Variants in THSD7A observed in about 807,000 individuals in gnomAD.
THSD7A encodes the protein thrombospondin type-1 domain-containing protein 7A.
THSD7A carries 96 observed loss-of-function variants against 231.3 expected under a neutral mutation model. The ratio of observed to expected loss-of-function variants is 0.41; its 90% CI spans 0.35 to 0.49. The LOEUF is 0.49. Ranked by LOEUF, THSD7A falls within the 20% of genes least tolerant of loss-of-function variation. The pLI is 0.05. For missense variants in THSD7A, 2,290 were observed against 2,070.2 expected (o/e 1.11, Z -2.06); for synonymous variants, 940 against 743.3 (o/e 1.26, Z -4.30).
chr7:11,379,035 AG>A, intron 26 of THSD7A, 34 bp downstream of exon 26: 5 of 1,604,050 alleles, frequency 3.1e-6, no homozygotes, highest in Non-Finnish European at 3.4e-6. Flanking sequence ...AAAGAACTAA[AG>A]GTTTCTCTTT....
chr7:11,698,113 C>T (rs4719282), intron 1 of THSD7A, among the ~76,000 whole-genome samples: 119,125 of 151,334 alleles, frequency 0.79, 47,548 homozygotes, highest in African/African-American at 0.93. Flanking sequence ...AATTTCATTA[C>T]TTCCAAAATG....
intron 11 of THSD7A, among the ~76,000 whole-genome samples, chr7:11,455,298 T>G (rs918657458): frequency 1.3e-5 from 2 of 152,080 alleles, no homozygotes; most frequent in Non-Finnish European, 1.5e-5. Context: ...TATAGTGTTT[T>G]GTTATAGAAG....
intron 6 of THSD7A, among the ~76,000 whole-genome samples, chr7:11,489,404 C>A (rs543523452): frequency 1.3e-5 from 2 of 152,058 alleles, no homozygotes; most frequent in Admixed American, 6.6e-5. Context: ...AGGAAACTTG[C>A]AATTGTAATT....
At chr7:11,568,997 AC>A (rs1428227676) in intron 4 of THSD7A, among the ~76,000 whole-genome samples, 1 of 151,348 alleles carries the variant, frequency 6.6e-6, no homozygotes, top group East Asian at 1.9e-4. Context: ...AAAAAAAAAA[AC>A]AAACCCTACA....
rs186625336 is a variant in THSD7A at position 11,726,642 on chromosome 7, C to A, written c.191-89681G>T. 5.9e-5 allele frequency among the ~76,000 whole-genome samples: 9 copies of A among 151,990 alleles called. No homozygotes were observed. The East Asian group carries it at 1.6e-3, about 26-fold the overall frequency. Reference sequence around the variant, plus strand: ...TGATATTCTAAATGGATTGTGACTCCCCCGTGGAATACCTGAATCAAGGAG... The same window carrying A: ...TGATATTCTAAATGGATTGTGACTCACCCGTGGAATACCTGAATCAAGGAG... On this transcript the variant is annotated intron_variant, in intron 1 of 27. Transcript: ENST00000423059.
chr7:11,457,096 A>G (rs995151252), intron 11 of THSD7A, among the ~76,000 whole-genome samples: 4 of 152,080 alleles, frequency 2.6e-5, no homozygotes, highest in Admixed American at 2.6e-4. Context: ...TTATTCATAT[A>G]TATAATAAAA....
intron 4 of THSD7A, among the ~76,000 whole-genome samples, chr7:11,555,138 C>G (rs1789792716): frequency 6.6e-6 from 1 of 151,814 alleles, no homozygotes; most frequent in East Asian, 1.9e-4. Context: ...TTCTTGCTTT[C>G]AACTCATTTC....
chr7:11,522,821 A>C (rs1237065760), intron 6 of THSD7A, among the ~76,000 whole-genome samples: 1 of 152,168 alleles, frequency 6.6e-6, no homozygotes, highest in African/African-American at 2.4e-5. Context: ...CATGGAAAAT[A>C]AAAATATCAA....
In THSD7A at chr7:11,547,846, T is replaced by A. The variant is rs553350152; in HGVS notation, c.1454-4729A>T. ...CAAACATACAACATACCAGACTTTC[T>A]GGGACACAGCTAAAGCAGTGTTAAG... On this transcript the variant is annotated intron_variant, in intron 4 of 27. Coordinates refer to ENST00000423059, the MANE Select transcript of THSD7A (RefSeq NM_015204.3). 3.3e-5 allele frequency among the ~76,000 whole-genome samples: 5 copies of A among 152,298 alleles called. No individual in the cohort carries two copies. In the South Asian group the frequency reaches 8.3e-4, roughly 25 times the overall value.
chr7:11,556,761 C>A (rs537558534), intron 4 of THSD7A, among the ~76,000 whole-genome samples: 2 of 152,076 alleles, frequency 1.3e-5, no homozygotes, highest in South Asian at 2.1e-4. Context: ...GTTGACAGTT[C>A]TTTTCCTCTA....
chr7:11,497,115 T>C (rs952012409), intron 6 of THSD7A, among the ~76,000 whole-genome samples: 5 of 152,182 alleles, frequency 3.3e-5, no homozygotes, highest in Admixed American at 6.5e-5. Flanking sequence ...AAACACATCC[T>C]TCTTCACATG....
At chr7:11,618,352 TTATATAA>T (rs1312138512) in intron 2 of THSD7A, among the ~76,000 whole-genome samples, 1 of 152,206 alleles carries the variant, frequency 6.6e-6, no homozygotes, top group Non-Finnish European at 1.5e-5. Context: ...GATGTATATT[TTATATAA>T]TAGAAATCAT....
intron 13 of THSD7A, among the ~76,000 whole-genome samples, chr7:11,441,914 T>C (rs923471976): frequency 3.9e-5 from 6 of 151,970 alleles, no homozygotes; most frequent in African/African-American, 1.4e-4. Context: ...CAAACCACCA[T>C]GGCGTATGTA....
chr7:11,477,603 G>A (rs1786246355), intron 7 of THSD7A, among the ~76,000 whole-genome samples: 1 of 151,968 alleles, frequency 6.6e-6, no homozygotes, highest in South Asian at 2.1e-4. Flanking sequence ...TTATTATTTT[G>A]TCATTAAAAT....
At chr7:11,825,624 GGCAC>G (rs1785002496) in intron 1 of THSD7A, among the ~76,000 whole-genome samples, 1 of 152,072 alleles carries the variant, frequency 6.6e-6, no homozygotes, top group East Asian at 1.9e-4. Context: ...ATATGTGTCA[GGCAC>G]TCTCCTAGTA....
intron 4 of THSD7A, among the ~76,000 whole-genome samples, chr7:11,545,783 T>A (rs1789354948): frequency 6.6e-6 from 1 of 152,178 alleles, no homozygotes; most frequent in Non-Finnish European, 1.5e-5. Context: ...GTCTCTAATA[T>A]GTGCAGAATC....
intron 9 of THSD7A, among the ~76,000 whole-genome samples, chr7:11,464,122 A>G (rs1785607661): frequency 6.7e-6 from 1 of 148,420 alleles, no homozygotes; most frequent in African/African-American, 2.5e-5. Context: ...TACAATTTCT[A>G]TTTTTTTCTT....
intron 1 of THSD7A, among the ~76,000 whole-genome samples, chr7:11,722,268 A>T (rs930146342): frequency 2.0e-5 from 3 of 151,996 alleles, no homozygotes; most frequent in African/African-American, 7.2e-5. Flanking sequence ...AGACTAATGA[A>T]AGTCTACAAG....
intron 4 of THSD7A, among the ~76,000 whole-genome samples, chr7:11,557,121 C>T (rs890064426): frequency 6.6e-6 from 1 of 151,970 alleles, no homozygotes. Context: ...TCTTTTGTTA[C>T]AGTCCCACAG....
Sources: gnomAD v4.1 joint callset for allele counts (sites outside exome capture counted in the v4.1 genomes callset) on GRCh38, gnomAD v4.1.1 for gene constraint, MANE v1.5 for transcripts, NCBI Gene and HGNC (gene_info 2026-07-23, HGNC 2026-07-21) for gene names.